NPSR1: variants seen among roughly 807,000 people sequenced by gnomAD.
NPSR1 encodes neuropeptide S receptor 1, also known as neuropeptide S receptor.
NPSR1 carries 48 observed loss-of-function variants against 46.9 expected under a neutral mutation model. The ratio of observed to expected loss-of-function variants is 1.02; its 90% CI spans 0.81 to 1.30. The LOEUF is 1.30. Among genes scored for constraint, NPSR1 ranks in the 50% most tolerant of loss-of-function variants. NPSR1 has a pLI of 0.00. For missense variants in NPSR1, 450 were observed against 449.5 expected (o/e 1.00, Z -0.01); for synonymous variants, 176 against 168.1 (o/e 1.05, Z -0.36).
At chr7:34,744,899 A>G (rs1785127282) in intron 2 of NPSR1, among the ~76,000 whole-genome samples, 1 of 152,202 alleles carries the variant, frequency 6.6e-6, no homozygotes, top group African/African-American at 2.4e-5. Context: ...AAATGCATCT[A>G]TACTGAACAT....
intron 3 of NPSR1, among the ~76,000 whole-genome samples, chr7:34,810,849 C>G (rs1788946899): frequency 6.6e-6 from 1 of 152,144 alleles, no homozygotes; most frequent in Non-Finnish European, 1.5e-5. Flanking sequence ...ATTCTAGCAC[C>G]AGGAACCAAA....
At chr7:34,802,233 A>G (rs1260179853) in intron 3 of NPSR1, among the ~76,000 whole-genome samples, 2 of 150,400 alleles carry the variant, frequency 1.3e-5, no homozygotes, top group African/African-American at 2.5e-5. Context: ...TTCATATGGA[A>G]CCAAAAAAGA....
intron 2 of NPSR1, among the ~76,000 whole-genome samples, chr7:34,722,688 T>C (rs570830343): frequency 6.6e-6 from 1 of 152,248 alleles, no homozygotes; most frequent in South Asian, 2.1e-4. Flanking sequence ...GGCAAGAAGA[T>C]GGACAAAAGT....
At chr7:34,815,986 T>A (rs967947102) in intron 4 of NPSR1, among the ~76,000 whole-genome samples, 3 of 152,146 alleles carry the variant, frequency 2.0e-5, no homozygotes, top group African/African-American at 7.2e-5. Flanking sequence ...AGACCATTGA[T>A]GCTAGGAAGA....
At chr7:34,814,050 G>C (rs534211404) in intron 4 of NPSR1, among the ~76,000 whole-genome samples, 1 of 152,300 alleles carries the variant, frequency 6.6e-6, no homozygotes, top group East Asian at 1.9e-4. Context: ...CATCTCACTG[G>C]GACTGGTTGG....
chr7:34,664,657 T>C (rs994706889), intron 1 of NPSR1, among the ~76,000 whole-genome samples: 8 of 151,854 alleles, frequency 5.3e-5, no homozygotes, highest in Non-Finnish European at 7.4e-5. Context: ...GAATAAGATA[T>C]AGATATAGAG....
At chr7:34,674,588 T>G (rs184074660) in intron 1 of NPSR1, among the ~76,000 whole-genome samples, 76 of 152,348 alleles carry the variant, frequency 5.0e-4, no homozygotes, top group African/African-American at 1.8e-3. Context: ...CCTTTTTTCT[T>G]ATACTTTATT....
intron 2 of NPSR1, among the ~76,000 whole-genome samples, chr7:34,741,358 G>A (rs139565023): frequency 1.8e-4 from 27 of 152,222 alleles, no homozygotes; most frequent in African/African-American, 6.3e-4. Context: ...TCAGTCCTGA[G>A]TATGCATTTG....
At chr7:34,790,747 A>ATATATGT (rs1787724287) in intron 3 of NPSR1, among the ~76,000 whole-genome samples, 6 of 59,012 alleles carry the variant, frequency 1.0e-4, no homozygotes, top group African/African-American at 5.7e-4. Flanking sequence ...GTTATATATA[A>ATATATGT]TATATGTTAT....
rs1332310760 is a variant in NPSR1 at position 34,778,540 on chromosome 7, T to C, written c.359T>C (p.Val120Ala). ...FTGDFTAPDL[V>A]CRVVRYLQVV... ...GGAGACTTCACGGCACCTGACCTGGTTTGCCGAGTGGTCCGCTATTTGCAG... is the reference window on the plus strand; with the variant it reads ...GGAGACTTCACGGCACCTGACCTGGCTTGCCGAGTGGTCCGCTATTTGCAG... Residue 120 changes from valine to alanine, a missense_variant, in exon 3 of 9, where the codon GTT (valine) becomes GCT (alanine). Val to Ala is a moderately conservative substitution (Grantham distance 64, BLOSUM62 0). Transcript: ENST00000360581. The C allele has an allele frequency of 3.1e-6, 5 of 1,612,172 alleles. No homozygotes were observed. The African/African-American group carries it at 6.7e-5, about 22-fold the overall frequency.
intron 2 of NPSR1, chr7:34,685,928 C>T (rs34737361): frequency 4.0e-5 from 9 of 225,238 alleles, no homozygotes; most frequent in South Asian, 9.9e-5. Context: ...CTCCTATAAC[C>T]GTAGAAGTAG....
At chr7:34,854,818 C>G (rs1189674164), downstream of NPSR1, among the ~76,000 whole-genome samples, 2 of 151,852 alleles carry the variant, frequency 1.3e-5, no homozygotes, top group Non-Finnish European at 2.9e-5. Context: ...AGCACTTTAC[C>G]TTACCACCCC....
rs559794560 is a variant in NPSR1 at position 34,803,416 on chromosome 7, A to G, written c.385-8354A>G. 7.9e-5 allele frequency among the ~76,000 whole-genome samples: 12 copies of G among 152,304 alleles called. No individual in the cohort carries two copies. In the South Asian group the frequency reaches 2.5e-3, roughly 32 times the overall value. Reference sequence around the variant, plus strand: ...AAAAGGATGAGTTCATGTCCTTTGTAGGGACATGGATGAAATTGGAAATCA... The same window carrying G: ...AAAAGGATGAGTTCATGTCCTTTGTGGGGACATGGATGAAATTGGAAATCA... On this transcript the variant is annotated intron_variant, in intron 3 of 8. Transcript: ENST00000360581.
chr7:34,689,277 A>T (rs1308202494), intron 2 of NPSR1, among the ~76,000 whole-genome samples: 2 of 152,124 alleles, frequency 1.3e-5, no homozygotes, highest in Non-Finnish European at 2.9e-5. Flanking sequence ...CATAAGCTTC[A>T]CCTACTGGCC....
intron 2 of NPSR1, among the ~76,000 whole-genome samples, chr7:34,740,445 T>C (rs1024279738): frequency 1.3e-5 from 2 of 151,604 alleles, no homozygotes; most frequent in Non-Finnish European, 2.9e-5. Flanking sequence ...TAGCAATTGT[T>C]ACGAAGTTCA....
chr7:34,758,524 C>A (rs1785994709), intron 2 of NPSR1, among the ~76,000 whole-genome samples: 1 of 152,196 alleles, frequency 6.6e-6, no homozygotes, highest in Non-Finnish European at 1.5e-5. Context: ...CATATTCTGC[C>A]AGCTCTTCCC....
intron 1 of NPSR1, among the ~76,000 whole-genome samples, chr7:34,669,578 A>G (rs540316653): frequency 7.3e-4 from 111 of 151,982 alleles, no homozygotes; most frequent in African/African-American, 2.5e-3. Context: ...CAAAAAAAAA[A>G]AAAGAAAGAA....
At chr7:34,835,672 A>G (rs1286858941) in intron 6 of NPSR1, among the ~76,000 whole-genome samples, 1 of 152,196 alleles carries the variant, frequency 6.6e-6, no homozygotes, top group Non-Finnish European at 1.5e-5. Context: ...GTGGAGATAC[A>G]TAAGTCTGGG....
At chr7:34,818,703 A>C (rs1789383826) in intron 4 of NPSR1, among the ~76,000 whole-genome samples, 1 of 152,250 alleles carries the variant, frequency 6.6e-6, no homozygotes, top group Non-Finnish European at 1.5e-5. Flanking sequence ...ACAGCAAGGT[A>C]CTTGTACCAA....
Sources: gnomAD v4.1 joint callset for allele counts (sites outside exome capture counted in the v4.1 genomes callset) on GRCh38, gnomAD v4.1.1 for gene constraint, MANE v1.5 for transcripts, NCBI Gene and HGNC (gene_info 2026-07-23, HGNC 2026-07-21) for gene names.